The following GNA12 variants were observed in gnomAD, a reference collection of about 807,000 sequenced individuals.
GNA12 encodes the protein guanine nucleotide-binding protein subunit alpha-12.
GNA12 carries 9 observed loss-of-function variants against 26.0 expected under a neutral mutation model. That is an observed-to-expected ratio of 0.35 (90% CI 0.21 to 0.60). The LOEUF (loss-of-function observed/expected upper bound fraction) is 0.60, where lower values mean the gene tolerates loss of function less well. GNA12 is among the 20% of genes least tolerant of loss of function. GNA12 has a pLI of 0.78. For missense variants in GNA12, 405 were observed against 525.8 expected, an observed-to-expected ratio of 0.77 and a Z score of 2.25; for synonymous variants, 264 against 219.6, an observed-to-expected ratio of 1.20 and a Z score of -1.79.
intron 1 of GNA12, among the ~76,000 whole-genome samples, chr7:2,829,545 C>T (rs564922547): frequency 2.3e-4 from 35 of 152,280 alleles, no homozygotes; most frequent in Admixed American, 5.2e-4. Flanking sequence ...TGCCATTTCC[C>T]TGTGCATCTC....
intron 2 of GNA12, among the ~76,000 whole-genome samples, chr7:2,741,698 C>A (rs1205053806): frequency 6.6e-6 from 1 of 152,076 alleles, no homozygotes; most frequent in Non-Finnish European, 1.5e-5. Context: ...TTTCAATACA[C>A]AGACTTTTAA....
At chr7:2,794,434 C>A (rs1792599800) in intron 2 of GNA12, among the ~76,000 whole-genome samples, 1 of 152,080 alleles carries the variant, frequency 6.6e-6, no homozygotes. Flanking sequence ...GATTCAGACC[C>A]CAAATGAATC....
intron 1 of GNA12, among the ~76,000 whole-genome samples, chr7:2,803,386 C>T (rs185505252): frequency 5.9e-5 from 9 of 152,266 alleles, no homozygotes; most frequent in Middle Eastern, 3.4e-3. Flanking sequence ...CTGCAGGTCC[C>T]GTGGCAGGTG....
chr7:2,832,237 C>G (rs7783796), intron 1 of GNA12, among the ~76,000 whole-genome samples: 2,008 of 152,336 alleles, frequency 0.013, 48 homozygotes, highest in African/African-American at 0.045. Flanking sequence ...CCGGCTCATG[C>G]CCTGTCCTCC....
intron 2 of GNA12, among the ~76,000 whole-genome samples, chr7:2,780,932 T>C (rs1348707878): frequency 2.6e-5 from 4 of 152,246 alleles, no homozygotes; most frequent in Admixed American, 2.0e-4. Context: ...CCCATCTGTT[T>C]TCCAAACTAG....
chr7:2,816,293 C>T (rs963740677), intron 1 of GNA12, among the ~76,000 whole-genome samples: 8 of 151,108 alleles, frequency 5.3e-5, no homozygotes, highest in African/African-American at 1.5e-4. Flanking sequence ...TGCAATGGCA[C>T]GGTCTTGGCT....
intron 1 of GNA12, among the ~76,000 whole-genome samples, chr7:2,837,397 TGA>T (rs923300757): frequency 2.6e-5 from 4 of 152,066 alleles, no homozygotes; most frequent in South Asian, 2.1e-4. Flanking sequence ...CAGAAGGAGA[TGA>T]GAGAGAGGGA....
At chr7:2,815,442 T>C (rs924310995) in intron 1 of GNA12, among the ~76,000 whole-genome samples, 2 of 152,118 alleles carry the variant, frequency 1.3e-5, no homozygotes, top group African/African-American at 2.4e-5. Context: ...GTAGGAGAGA[T>C]GACTCAGCGC....
chr7:2,737,269 G>T (rs1724917), intron 2 of GNA12, among the ~76,000 whole-genome samples: 439 of 37,932 alleles, frequency 0.012, 26 homozygotes, highest in East Asian at 0.023. Flanking sequence ...TCACAGTTTT[G>T]TTTTGTTTTT....
At chr7:2,797,697 G>A (rs1792710558) in intron 1 of GNA12, among the ~76,000 whole-genome samples, 1 of 152,116 alleles carries the variant, frequency 6.6e-6, no homozygotes, top group Non-Finnish European at 1.5e-5. Flanking sequence ...GATGACCAAA[G>A]AGTAGTTGAA....
At chr7:2,794,826 T>C in intron 2 of GNA12, 102 bp downstream of exon 2, 1 of 838,064 alleles carries the variant, frequency 1.2e-6, no homozygotes, top group South Asian at 1.5e-5. Context: ...TAGAGCTTGC[T>C]TGGACTGTTA....
intron 2 of GNA12, among the ~76,000 whole-genome samples, chr7:2,757,174 C>G (rs1169691655): frequency 8.1e-6 from 1 of 123,374 alleles, no homozygotes; most frequent in East Asian, 2.5e-4. Flanking sequence ...CTTGCTCTGT[C>G]ACCCAGGCTG....
At chr7:2,792,138 C>T (rs1042489819) in intron 2 of GNA12, among the ~76,000 whole-genome samples, 12 of 152,222 alleles carry the variant, frequency 7.9e-5, no homozygotes, top group African/African-American at 2.7e-4. Flanking sequence ...TAAAAGCTCA[C>T]TCGCTGGAGA....
intron 1 of GNA12, among the ~76,000 whole-genome samples, chr7:2,828,327 A>G (rs1272635231): frequency 1.3e-5 from 2 of 152,222 alleles, no homozygotes; most frequent in African/African-American, 4.8e-5. Flanking sequence ...CAGTTTCTAA[A>G]CTAATGTTTG....
chr7:2,734,714 AAGTG>A (rs1790071272), intron 2 of GNA12, among the ~76,000 whole-genome samples: 1 of 152,212 alleles, frequency 6.6e-6, no homozygotes, highest in Admixed American at 6.5e-5. Context: ...GATGTTTTCA[AAGTG>A]AGTGTTTTGT....
At chr7:2,789,692 G>A (rs891757769) in intron 2 of GNA12, among the ~76,000 whole-genome samples, 7 of 152,196 alleles carry the variant, frequency 4.6e-5, no homozygotes, top group African/African-American at 1.7e-4. Context: ...GGTGAGGACA[G>A]GGATCCAGAG....
chr7:2,807,918 C>G (rs913442383), intron 1 of GNA12, among the ~76,000 whole-genome samples: 1 of 152,152 alleles, frequency 6.6e-6, no homozygotes, highest in South Asian at 2.1e-4. Flanking sequence ...AAAACCTGTT[C>G]GCGCAGAAAC....
At chr7:2,823,871 A>T (rs532967865) in intron 1 of GNA12, among the ~76,000 whole-genome samples, 1 of 152,328 alleles carries the variant, frequency 6.6e-6, no homozygotes, top group East Asian at 1.9e-4. Context: ...TTTCCCATGA[A>T]AATAATGCGC....
At chr7:2,793,967 A>T (rs954001955) in intron 2 of GNA12, among the ~76,000 whole-genome samples, 40 of 152,150 alleles carry the variant, frequency 2.6e-4, no homozygotes, top group African/African-American at 9.2e-4. Flanking sequence ...TGAAAGAAGG[A>T]ATGGATCCTA....
Sources: allele counts gnomAD v4.1 joint callset (sites outside exome capture counted in the v4.1 genomes callset), GRCh38; gene constraint gnomAD v4.1.1; transcripts MANE v1.5; gene names NCBI Gene and HGNC (gene_info 2026-07-23, HGNC 2026-07-21).